The following TMCO5A variants were observed in gnomAD, a reference collection of about 807,000 sequenced individuals.
TMCO5A encodes the protein transmembrane and coiled-coil domains 5A.
A neutral mutation model predicts 42.3 loss-of-function variants in TMCO5A; 34 were observed. The observed-to-expected ratio is 0.80, with a 90% CI of 0.61 to 1.07. The LOEUF (loss-of-function observed/expected upper bound fraction) is 1.07, where lower values mean the gene tolerates loss of function less well. TMCO5A is among the 50% of genes least tolerant of loss of function. The pLI is 0.00. For missense variants in TMCO5A, 357 were observed against 327.9 expected (o/e 1.09, Z -0.69); for synonymous variants, 131 against 115.6 (o/e 1.13, Z -0.86).
the TMCO5A span, among the ~76,000 whole-genome samples, chr15:38,014,853 T>TTATATATA: frequency 0.022 from 1,214 of 54,234 alleles, 94 homozygotes; most frequent in East Asian, 0.031. Flanking sequence ...AGGAGAAAGA[T>TTATATATA]TATATATATA....
At chr15:37,956,252 G>A (rs1486877727), downstream of TMCO5A, among the ~76,000 whole-genome samples, 1 of 152,038 alleles carries the variant, frequency 6.6e-6, no homozygotes, top group Non-Finnish European at 1.5e-5. Flanking sequence ...GAACAGAACA[G>A]AACTGAAGGA....
rs530687941 is a variant in TMCO5A at position 37,936,086 on chromosome 15, G to C, written c.-10-228G>C. 74 of 378,282 alleles carry C rather than the reference G, an allele frequency of 2.0e-4. 1 individual carries two copies. In the South Asian group the frequency reaches 4.2e-3, roughly 21 times the overall value. The allele number at this position is 378,282 out of a possible 1,614,324, so 23.4% of individuals were successfully genotyped here. A position where few individuals can be genotyped will look rare whatever the true frequency, so the allele number is the denominator to read the frequency against. ...GAGTGAAGGTGCACTGTTAGATTGA[G>C]CACTTTGGAGGAGAAAGCCTGGGAA... On this transcript the variant is annotated intron_variant, in intron 2 of 11. Transcript: ENST00000319669.
chr15:37,963,624 G>A (rs1372684573), intron 11 of TMCO5A, among the ~76,000 whole-genome samples: 2 of 152,084 alleles, frequency 1.3e-5, no homozygotes, highest in Admixed American at 6.6e-5. Context: ...TCTGTGTGAT[G>A]ACCGATCTAC....
chr15:37,937,328 G>A lies in TMCO5A; in HGVS notation c.265-18G>A. The A allele has an allele frequency of 6.2e-7, 1 of 1,612,800 alleles. No homozygotes were observed. The highest frequency in any genetic ancestry group is 1.7e-5 in the Admixed American group (1 of 59,906). ...TGGAGTACAGAGGCAGATTTACACTGTTATTTCTCTCTCACAGGAAAGGAA... is the reference window on the plus strand; with the variant it reads ...TGGAGTACAGAGGCAGATTTACACTATTATTTCTCTCTCACAGGAAAGGAA... On this transcript the variant is annotated intron_variant, in intron 4 of 11. Coordinates refer to ENST00000319669, the MANE Select transcript of TMCO5A (RefSeq NM_152453.4).
At chr15:37,963,519 G>C (rs1242105489) in intron 11 of TMCO5A, among the ~76,000 whole-genome samples, 4 of 152,120 alleles carry the variant, frequency 2.6e-5, no homozygotes, top group African/African-American at 9.7e-5. Flanking sequence ...AATAGAATGT[G>C]TATTGTGCAG....
At chr15:37,941,018 C>T in intron 6 of TMCO5A, 131 bp from the exon 7 acceptor site, 1 of 731,450 alleles carries the variant, frequency 1.4e-6, no homozygotes, top group Non-Finnish European at 2.3e-6. Flanking sequence ...TGGCTTAATT[C>T]CTCTATCAGG....
chr15:37,935,060 C>T (rs754076897), intron 1 of TMCO5A, among the ~76,000 whole-genome samples, 197 bp from the exon 2 acceptor site: 2 of 152,018 alleles, frequency 1.3e-5, no homozygotes, highest in Non-Finnish European at 1.5e-5. Context: ...CTGACTGTAT[C>T]TTTAATAGGG....
chr15:37,961,586 T>A (rs1388024655), intron 11 of TMCO5A, among the ~76,000 whole-genome samples: 2 of 148,740 alleles, frequency 1.3e-5, no homozygotes, highest in African/African-American at 5.0e-5. Context: ...AATGATGGTA[T>A]TTTGATGGGG....
chr15:38,021,427 C>G, the TMCO5A span, among the ~76,000 whole-genome samples: 1 of 151,482 alleles, frequency 6.6e-6, no homozygotes, highest in Non-Finnish European at 1.5e-5. Context: ...TCCACTATTC[C>G]CTGGGGACTT....
At chr15:37,943,499 T>C in intron 10 of TMCO5A, 101 bp downstream of exon 10, 2 of 1,187,120 alleles carry the variant, frequency 1.7e-6, no homozygotes, top group Non-Finnish European at 2.4e-6. Context: ...AATCTTGCCA[T>C]GCGCATTTTC....
At chr15:38,031,914 C>T in the TMCO5A span, among the ~76,000 whole-genome samples, 1 of 152,090 alleles carries the variant, frequency 6.6e-6, no homozygotes. Flanking sequence ...GGCCTGGGGC[C>T]CTTCTCACAT....
chr15:38,037,628 A>G, the TMCO5A span, among the ~76,000 whole-genome samples: 9 of 152,182 alleles, frequency 5.9e-5, no homozygotes, highest in Admixed American at 3.9e-4. Context: ...AGAACTAGAG[A>G]TGTGGGCAAT....
chr15:37,972,181 G>A (rs1374428405), downstream of TMCO5A, among the ~76,000 whole-genome samples: 4 of 152,196 alleles, frequency 2.6e-5, no homozygotes, highest in African/African-American at 9.7e-5. Flanking sequence ...GAAGGCCAAA[G>A]GCACATCTCG....
In TMCO5A at chr15:37,937,396, G is replaced by A; in HGVS notation, c.315G>A (p.Lys105=). 6.2e-7 allele frequency: 1 copy of A among 1,613,024 alleles called. No individual in the cohort carries two copies. The highest frequency in any genetic ancestry group is 8.5e-7 in the Non-Finnish European group (1 of 1,179,322). ...ACAGTATAACAGAACTTCAACAAAA[G>A]GTGAGGTAGGGTACTTGTGTTCTCC... The part of the protein sequence containing the change: ...LVHSITELQQ[K]LTRKSQKITN... Residue 105 remains lysine, a splice_region_variant and synonymous_variant, in exon 5 of 12, where the codon AAG becomes AAA. Coordinates refer to ENST00000319669, the MANE Select transcript of TMCO5A (RefSeq NM_152453.4).
the TMCO5A span, among the ~76,000 whole-genome samples, chr15:38,022,681 G>A: frequency 2.6e-5 from 4 of 152,176 alleles, no homozygotes; most frequent in Non-Finnish European, 2.9e-5. Flanking sequence ...ATGTGTCAAT[G>A]TAGTTCATCA....
At chr15:37,941,790 C>A (rs1212817241) in intron 8 of TMCO5A, 60 bp downstream of exon 8, 2 of 1,412,868 alleles carry the variant, frequency 1.4e-6, no homozygotes, top group Admixed American at 1.7e-5. Context: ...TGAAATAGAA[C>A]AAGGATTTTC....
intron 6 of TMCO5A, among the ~76,000 whole-genome samples, chr15:37,939,466 G>A (rs1889651711): frequency 1.3e-5 from 2 of 152,032 alleles, no homozygotes; most frequent in Non-Finnish European, 2.9e-5. Context: ...GCAGTGGTCA[G>A]GACACTGATT....
the TMCO5A span, among the ~76,000 whole-genome samples, chr15:37,992,098 G>T: frequency 6.6e-6 from 1 of 151,996 alleles, no homozygotes; most frequent in South Asian, 2.1e-4. Context: ...GCAAAACTAT[G>T]TATCTGACAA....
chr15:37,941,418 T>C (rs913247931), intron 7 of TMCO5A, among the ~76,000 whole-genome samples: 1 of 151,914 alleles, frequency 6.6e-6, no homozygotes, highest in Non-Finnish European at 1.5e-5. Context: ...CTACAGTTTG[T>C]ATCTCGCAAA....
Sources: gnomAD v4.1 joint callset for allele counts (sites outside exome capture counted in the v4.1 genomes callset) on GRCh38, gnomAD v4.1.1 for gene constraint, MANE v1.5 for transcripts, NCBI Gene and HGNC (gene_info 2026-07-23, HGNC 2026-07-21) for gene names.